HEATR5A: variants seen among roughly 807,000 people sequenced by gnomAD.
HEATR5A encodes HEAT repeat containing 5A.
A neutral mutation model predicts 218.8 loss-of-function variants in HEATR5A; 178 were observed. The ratio of observed to expected loss-of-function variants is 0.81; its 90% CI spans 0.72 to 0.92. The LOEUF (loss-of-function observed/expected upper bound fraction) is 0.92, where lower values mean the gene tolerates loss of function less well. Among genes scored for constraint, HEATR5A ranks in the 40% least tolerant of loss-of-function variants. The pLI is 0.00. For missense variants in HEATR5A, 2,420 were observed against 2,418.9 expected (o/e 1.00, Z -0.01); for synonymous variants, 864 against 871.6 (o/e 0.99, Z 0.15).
intron 18 of HEATR5A, 72 bp from the exon 19 acceptor site, chr14:31,347,979 CACT>C: frequency 1.1e-6 from 1 of 951,614 alleles, no homozygotes; most frequent in Non-Finnish European, 1.4e-6. Context: ...AATGCATGTA[CACT>C]GTCACTTAGG....
At chr14:31,355,128 C>T (rs906951529) in intron 16 of HEATR5A, among the ~76,000 whole-genome samples, 7 of 152,198 alleles carry the variant, frequency 4.6e-5, no homozygotes, top group Middle Eastern at 3.4e-3. Flanking sequence ...CAACCACAAA[C>T]GCAGGCCAGG....
At chr14:31,323,972 A>T (rs1472170169) in intron 23 of HEATR5A, among the ~76,000 whole-genome samples, 168 bp from the exon 24 acceptor site, 2 of 152,216 alleles carry the variant, frequency 1.3e-5, no homozygotes, top group Admixed American at 1.3e-4. Flanking sequence ...TCTAATAACT[A>T]CATACAACTA....
intron 24 of HEATR5A, 140 bp from the exon 25 acceptor site, chr14:31,321,820 T>C: frequency 1.6e-6 from 1 of 644,896 alleles, no homozygotes; most frequent in South Asian, 2.2e-5. Context: ...TGCTGTTTGT[T>C]AAATAGAGAC....
At position 31,308,089 on chromosome 14, in the gene HEATR5A, CTT is replaced by C. The variant is rs543558665; in HGVS notation, c.4691-71_4691-70del. ...TAGTTTATGAAATTAAGTAATTAAT[CTT>C]ATATTTTGGTAAGATATATAAACAA... On this transcript the variant is annotated intron_variant, in intron 29 of 35. Transcript: ENST00000543095. 166 of 1,403,800 alleles carry C rather than the reference CTT, an allele frequency of 1.2e-4. No individual in the cohort carries two copies. In the African/African-American group the frequency reaches 2.0e-3, roughly 17 times the overall value. 87.0% of individuals were successfully genotyped at this position (1,403,800 alleles called of 1,614,324 possible). A position where few individuals can be genotyped will look rare whatever the true frequency, so the allele number is the denominator to read the frequency against.
At chr14:31,323,373 G>A (rs1900169462) in intron 24 of HEATR5A, among the ~76,000 whole-genome samples, 192 bp downstream of exon 24, 2 of 151,188 alleles carry the variant, frequency 1.3e-5, no homozygotes, top group African/African-American at 4.9e-5. Context: ...TGTTGCCCAG[G>A]CTGGTTTCAA....
At chr14:31,369,494 T>C (rs1234195333) in intron 13 of HEATR5A, among the ~76,000 whole-genome samples, 1 of 147,342 alleles carries the variant, frequency 6.8e-6, no homozygotes, top group East Asian at 2.0e-4. Context: ...ATGCCTATAA[T>C]CCCTTACTGG....
intron 4 of HEATR5A, among the ~76,000 whole-genome samples, chr14:31,397,825 A>C (rs2030718017): frequency 6.6e-6 from 1 of 151,900 alleles, no homozygotes; most frequent in Admixed American, 6.6e-5. Flanking sequence ...TACCCCAACT[A>C]ATTTATGTTT....
chr14:31,360,342 C>CT (rs1157736744), intron 14 of HEATR5A, among the ~76,000 whole-genome samples: 7 of 152,088 alleles, frequency 4.6e-5, no homozygotes, highest in Admixed American at 3.9e-4. Context: ...TCTATCTGTA[C>CT]TTTTTAAAAA....
intron 28 of HEATR5A, among the ~76,000 whole-genome samples, chr14:31,310,624 A>G (rs1899714871): frequency 6.6e-6 from 1 of 152,180 alleles, no homozygotes; most frequent in Admixed American, 6.5e-5. Flanking sequence ...TGGGCCACAG[A>G]GCAAGACTCC....
Position 31,381,817 on chromosome 14 carries a change from A to G in HEATR5A, c.1597-1239T>C, listed in dbSNP as rs2029997828. Among the ~76,000 whole-genome samples, 4 of 152,302 alleles carry G rather than the reference A, an allele frequency of 2.6e-5. No homozygotes were observed. The South Asian group carries it at 8.3e-4, about 32-fold the overall frequency. ...AGGGGTCCATGTTATAAAACAACAG[A>G]GAAGAAAAACAGGACATTTCACATT... On this transcript the variant is annotated intron_variant, in intron 10 of 35. Coordinates refer to ENST00000543095, the MANE Select transcript of HEATR5A (RefSeq NM_015473.4).
At chr14:31,317,810 A>G (rs1282003412) in intron 26 of HEATR5A, among the ~76,000 whole-genome samples, 1 of 152,238 alleles carries the variant, frequency 6.6e-6, no homozygotes, top group African/African-American at 2.4e-5. Context: ...CAAAACAGGT[A>G]CTTGTATAAC....
At chr14:31,307,853 G>A in intron 30 of HEATR5A, 40 bp downstream of exon 30, 2 of 1,585,438 alleles carry the variant, frequency 1.3e-6, no homozygotes, top group East Asian at 2.2e-5. Flanking sequence ...CTTCCTTAAA[G>A]ACTACAGAAG....
rs71951930 is a variant in HEATR5A at position 31,327,286 on chromosome 14, C to CTTTTTTTT, written c.3368-952_3368-945dup. 2.4e-4 allele frequency among the ~76,000 whole-genome samples: 11 copies of CTTTTTTTT among 45,164 alleles called. 1 individual carries two copies. Among genetic ancestry groups the CTTTTTTTT allele is most frequent in the East Asian group, 7.1e-4 (1 of 1,408 alleles). 29.6% of individuals were successfully genotyped at this position (45,164 alleles called of 152,430 possible). On this transcript the variant is annotated intron_variant, in intron 22 of 35. Coordinates refer to ENST00000543095, the MANE Select transcript of HEATR5A (RefSeq NM_015473.4). ...CCACAGTGCCCAGCCTCCAGTGGCA[C>CTTTTTTTT]TTTTTTTTTTTTTTTTTTTTTTTTT...
chr14:31,348,875 T>A (rs1195923163), intron 18 of HEATR5A, among the ~76,000 whole-genome samples: 2 of 152,166 alleles, frequency 1.3e-5, no homozygotes, highest in Non-Finnish European at 2.9e-5. Flanking sequence ...AAGGTCAAAG[T>A]GCTATCAATA....
Position 31,323,586 on chromosome 14 carries a change from TTTCTTGTGCTA to T in HEATR5A, c.3755_3765del (p.Leu1252TyrfsTer9), listed in dbSNP as rs1357917671. The T allele has an allele frequency of 6.2e-7, 1 of 1,606,336 alleles. No individual in the cohort carries two copies. The highest frequency in any genetic ancestry group is 1.3e-5 in the African/African-American group (1 of 74,872). On this transcript the variant is annotated frameshift_variant, in exon 24 of 36. Transcript: ENST00000543095. LOFTEE classifies it high-confidence loss of function. ...TTACTTCTTGAATCTCTTTTTTTCA[TTTCTTGTGCTA>T]AAGCAATGTCAAAATGTGCACTGTT...
At position 31,294,429 on chromosome 14, in the gene HEATR5A, A is replaced by ATTT. The variant is rs3033605; in HGVS notation, c.5620-328_5620-326dup. 7.1e-4 allele frequency among the ~76,000 whole-genome samples: 101 copies of ATTT among 142,586 alleles called. 1 individual carries two copies. The South Asian group carries it at 7.4e-3, about 10-fold the overall frequency. 93.5% of individuals were successfully genotyped at this position (142,586 alleles called of 152,430 possible). A position where few individuals can be genotyped will look rare whatever the true frequency, so the allele number is the denominator to read the frequency against. On this transcript the variant is annotated intron_variant, in intron 34 of 35. Transcript: ENST00000543095. ...ACACCACCAAAACCCCTCCTGTAAC[A>ATTT]TTTTTTTTTTTTTTTGAGTGCCCAG...
rs536334701 is a variant in HEATR5A at position 31,303,589 on chromosome 14, TAATC to T, written c.5240-1074_5240-1071del. ...CAAGACATTTCTCTTTTATATGTAA[TAATC>T]AATTACACATAATGCCTCTGTAGGA... On this transcript the variant is annotated intron_variant, in intron 32 of 35. Coordinates refer to ENST00000543095, the MANE Select transcript of HEATR5A (RefSeq NM_015473.4). Among the ~76,000 whole-genome samples, 11 of 152,326 alleles carry T rather than the reference TAATC, an allele frequency of 7.2e-5. No individual in the cohort carries two copies. In the South Asian group the frequency reaches 2.1e-3, roughly 29 times the overall value.
In HEATR5A at chr14:31,291,835, T is replaced by C. The variant is rs568601922; in HGVS notation, c.*1470A>G. ...TTATGTAATTTAGAAAAAATGATTG[T>C]AGTGTTAGAGTTTGTCAAATGTTTT... On this transcript the variant is annotated 3_prime_UTR_variant, in exon 36 of 36. Transcript: ENST00000543095. The C allele has an allele frequency of 1.4e-4, 22 of 152,358 alleles. No individual in the cohort carries two copies. The South Asian group carries it at 4.3e-3, about 30-fold the overall frequency. 9.4% of individuals were successfully genotyped at this position (152,358 alleles called of 1,614,324 possible). A position where few individuals can be genotyped will look rare whatever the true frequency, so the allele number is the denominator to read the frequency against.
At chr14:31,304,049 T>TA (rs941605483) in intron 32 of HEATR5A, among the ~76,000 whole-genome samples, 23 of 147,102 alleles carry the variant, frequency 1.6e-4, no homozygotes, top group East Asian at 9.9e-4. Flanking sequence ...TACAAAAAAT[T>TA]AAAAAAAAAA....
Sources: gnomAD v4.1 joint callset for allele counts (sites outside exome capture counted in the v4.1 genomes callset) on GRCh38, gnomAD v4.1.1 for gene constraint, MANE v1.5 for transcripts, NCBI Gene and HGNC (gene_info 2026-07-23, HGNC 2026-07-21) for gene names.